Variants in SORT1 observed in about 807,000 individuals in gnomAD.
SORT1 encodes the protein sortilin.
Under a neutral mutation model 101.7 loss-of-function variants are expected in SORT1, and 39 were observed. That is an observed-to-expected ratio of 0.38 (90% CI 0.30 to 0.50). The LOEUF is 0.50. Among genes scored for constraint, SORT1 ranks in the 20% least tolerant of loss-of-function variants. The pLI, the probability that SORT1 is intolerant of heterozygous loss-of-function variation, is 0.90. For missense variants in SORT1, 878 were observed against 1,040.4 expected (o/e 0.84, Z 2.15); for synonymous variants, 396 against 393.7 (o/e 1.01, Z -0.07).
rs959873610 is a variant in SORT1 at position 109,312,690 on chromosome 1, C to T, written c.*1353G>A. 2 of 152,534 alleles carry T rather than the reference C, an allele frequency of 1.3e-5. No individual in the cohort carries two copies. The highest frequency in any genetic ancestry group is 4.8e-5 in the African/African-American group (2 of 41,424). The allele number at this position is 152,534 out of a possible 1,614,324, so 9.4% of individuals were successfully genotyped here. On this transcript the variant is annotated 3_prime_UTR_variant, in exon 20 of 20. Transcript: ENST00000256637. ...TATTTCTATATAGCAAATATTCAAG[C>T]TGTATTAAAACTAATTATTGCAGCT...
intron 13 of SORT1, 118 bp downstream of exon 13, chr1:109,326,874 A>T: frequency 1.4e-6 from 1 of 690,192 alleles, no homozygotes; most frequent in Non-Finnish European, 2.3e-6. Context: ...TCTTATCTAT[A>T]GTTCTGTCAA....
At chr1:109,391,970 A>C (rs1652940892) in intron 1 of SORT1, among the ~76,000 whole-genome samples, 1 of 152,256 alleles carries the variant, frequency 6.6e-6, no homozygotes, top group Admixed American at 6.5e-5. Context: ...TGCAGTATCT[A>C]GTTCATAATA....
At chr1:109,372,492 T>C (rs938791513) in intron 1 of SORT1, among the ~76,000 whole-genome samples, 20 of 152,174 alleles carry the variant, frequency 1.3e-4, no homozygotes, top group Non-Finnish European at 2.4e-4. Context: ...AACTTCCCCA[T>C]GACAGACATG....
intron 3 of SORT1, 115 bp downstream of exon 3, chr1:109,367,293 G>T (rs1651157498): frequency 1.6e-6 from 1 of 643,674 alleles, no homozygotes; most frequent in Non-Finnish European, 2.8e-6. Flanking sequence ...GAAAACTTAG[G>T]ATGGCTAGAA....
intron 15 of SORT1, among the ~76,000 whole-genome samples, chr1:109,319,678 C>A (rs1373925940): frequency 6.6e-6 from 1 of 151,936 alleles, no homozygotes; most frequent in African/African-American, 2.4e-5. Flanking sequence ...CCAGCCTGGC[C>A]AACATGGTGA....
rs74113850 is a variant in SORT1 at position 109,370,027 on chromosome 1, C to T, written c.307-438G>A. Among the ~76,000 whole-genome samples, 650 of 152,220 alleles carry T rather than the reference C, an allele frequency of 4.3e-3. 7 individuals carry two copies. The highest frequency in any genetic ancestry group is 0.014 in the African/African-American group (593 of 41,532). ...TCCTTTACAGTATAGCTGAAAAGTT[C>T]GTAACTGGATTCCTTTTACTTCTAG... On this transcript the variant is annotated intron_variant, in intron 1 of 19. Coordinates refer to ENST00000256637, the MANE Select transcript of SORT1 (RefSeq NM_002959.7).
At chr1:109,325,559 G>C (rs982843313) in intron 13 of SORT1, among the ~76,000 whole-genome samples, 1 of 152,012 alleles carries the variant, frequency 6.6e-6, no homozygotes, top group Admixed American at 6.6e-5. Context: ...AACTTTTAAC[G>C]TCTGTAGTTA....
chr1:109,337,398 C>T (rs772063835), intron 10 of SORT1, among the ~76,000 whole-genome samples: 4 of 151,792 alleles, frequency 2.6e-5, no homozygotes, highest in Non-Finnish European at 4.4e-5. Context: ...AGGCACCTGC[C>T]GCCTGGCTAA....
intron 3 of SORT1, among the ~76,000 whole-genome samples, chr1:109,358,158 G>A (rs1395872590): frequency 6.6e-6 from 1 of 152,186 alleles, no homozygotes; most frequent in Non-Finnish European, 1.5e-5. Flanking sequence ...CAGCACTCTG[G>A]TACTTTAGTC....
At chr1:109,366,401 C>T (rs1651091434) in intron 3 of SORT1, among the ~76,000 whole-genome samples, 2 of 152,136 alleles carry the variant, frequency 1.3e-5, no homozygotes, top group Admixed American at 6.5e-5. Context: ...ATTTTCATTT[C>T]AGGAATATAA....
At position 109,345,793 on chromosome 1, in the gene SORT1, A is replaced by C; in HGVS notation, c.921T>G (p.Gly307=). The part of the protein sequence containing the change: ...KTIGVKIYSF[G]LGGRFLFASV... The stretch of plus-strand genomic sequence containing the variant: ...AGGCAAAAAGGAAACGTCCCCCAAG[A>C]CCAAATGAGTAGATTTTCACACCAA... The change falls in exon 8 of 20, where the codon GGT becomes GGG. Residue 307 remains glycine (G), a synonymous_variant. Coordinates refer to ENST00000256637, the MANE Select transcript of SORT1 (RefSeq NM_002959.7). 6.2e-7 allele frequency: 1 copy of C among 1,614,046 alleles called. No homozygotes were observed. Among genetic ancestry groups the C allele is most frequent in the Non-Finnish European group, 8.5e-7 (1 of 1,179,882 alleles).
chr1:109,395,030 CAAAT>C (rs1320894457), intron 1 of SORT1, among the ~76,000 whole-genome samples: 2 of 151,192 alleles, frequency 1.3e-5, no homozygotes, highest in Non-Finnish European at 2.9e-5. Context: ...CTTCTAAAAC[CAAAT>C]AAATAAACAG....
intron 1 of SORT1, among the ~76,000 whole-genome samples, chr1:109,381,972 T>A (rs1652273179): frequency 6.6e-6 from 1 of 152,234 alleles, no homozygotes; most frequent in African/African-American, 2.4e-5. Flanking sequence ...CTTTATAGTT[T>A]TTCTAGAGTG....
Position 109,327,625 on chromosome 1 carries a change from G to A in SORT1, c.1372-24C>T, listed in dbSNP as rs61291134. On this transcript the variant is annotated intron_variant, in intron 11 of 19. Transcript: ENST00000256637. Reference sequence around the variant, plus strand: ...CACTGTGAAAAGAAACAAAAGCGTAGATTAGAACCAAAGATAAAGATACAA... The same window carrying A: ...CACTGTGAAAAGAAACAAAAGCGTAAATTAGAACCAAAGATAAAGATACAA... 1.4e-5 allele frequency: 19 copies of A among 1,404,672 alleles called. No homozygotes were observed. In the South Asian group the frequency reaches 2.3e-4, roughly 17 times the overall value. 87.0% of individuals were successfully genotyped at this position (1,404,672 alleles called of 1,614,324 possible).
chr1:109,314,125 T>C, intron 19 of SORT1, 68 bp from the exon 20 acceptor site: 1 of 1,606,806 alleles, frequency 6.2e-7, no homozygotes, highest in South Asian at 1.1e-5. Context: ...ATCACCTAGT[T>C]TCTGGGCTTG....
chr1:109,371,410 C>T lies in SORT1; in HGVS notation c.307-1821G>A, dbSNP rs1218839055. Among the ~76,000 whole-genome samples the T allele has an allele frequency of 2.0e-5, 3 of 152,154 alleles. No individual in the cohort carries two copies. In the East Asian group the frequency reaches 5.8e-4, roughly 29 times the overall value. The stretch of plus-strand genomic sequence containing the variant: ...GAACATCCAGAGCTACCACAAGCAC[C>T]AGGCAGATCACAAGGGCTAAGATCA... On this transcript the variant is annotated intron_variant, in intron 1 of 19. Transcript: ENST00000256637.
At chr1:109,331,942 TAA>T (rs1032588553) in intron 11 of SORT1, among the ~76,000 whole-genome samples, 3 of 82,230 alleles carry the variant, frequency 3.6e-5, no homozygotes, top group Non-Finnish European at 8.1e-5. Flanking sequence ...GAAAAAAACT[TAA>T]AAAAAAAAAA....
intron 5 of SORT1, among the ~76,000 whole-genome samples, chr1:109,353,904 G>A (rs568673182): frequency 3.0e-4 from 46 of 152,184 alleles, no homozygotes; most frequent in African/African-American, 1.1e-3. Flanking sequence ...GGAGCGCAGG[G>A]ATTTAAGACT....
intron 11 of SORT1, among the ~76,000 whole-genome samples, chr1:109,328,488 C>T (rs186926403): frequency 8.5e-5 from 13 of 152,202 alleles, no homozygotes; most frequent in Middle Eastern, 6.8e-3. Flanking sequence ...TGATGCTGAG[C>T]CTCTTTTTAT....
Sources: gnomAD v4.1 joint callset for allele counts (sites outside exome capture counted in the v4.1 genomes callset) on GRCh38, gnomAD v4.1.1 for gene constraint, MANE v1.5 for transcripts, NCBI Gene and HGNC (gene_info 2026-07-23, HGNC 2026-07-21) for gene names.